YLPM1: variants seen among roughly 807,000 people sequenced by gnomAD.
YLPM1 encodes the protein YLP motif containing 1.
A neutral mutation model predicts 230.0 loss-of-function variants in YLPM1; 99 were observed. The observed-to-expected ratio is 0.43, with a 90% CI of 0.37 to 0.51. YLPM1 has a LOEUF of 0.51. Ranked by LOEUF, YLPM1 falls within the 20% of genes least tolerant of loss-of-function variation. The pLI is 0.00. For missense variants in YLPM1, 2,592 were observed against 2,707.7 expected (o/e 0.96, Z 0.95); for synonymous variants, 984 against 942.5 (o/e 1.04, Z -0.81).
chr14:74,800,120 A>T lies in YLPM1; in HGVS notation c.4400+423A>T, dbSNP rs577077002. Among the ~76,000 whole-genome samples the T allele has an allele frequency of 6.6e-5, 10 of 152,298 alleles. 1 individual carries two copies. The South Asian group carries it at 1.5e-3, about 22-fold the overall frequency. The stretch of plus-strand genomic sequence containing the variant: ...TTGATAAAACTTTGGAAAGTGCTGT[A>T]TTTTTCTTTGTTGAAGCTAAGAATG... On this transcript the variant is annotated intron_variant, in intron 5 of 20. Transcript: ENST00000325680.
chr14:74,783,210 G>A (rs770365225), intron 4 of YLPM1, among the ~76,000 whole-genome samples: 3 of 152,054 alleles, frequency 2.0e-5, no homozygotes, highest in Non-Finnish European at 4.4e-5. Flanking sequence ...GACCAGAGGT[G>A]CGCACCAACA....
At chr14:74,778,417 C>A in intron 1 of YLPM1, 30 bp from the exon 2 acceptor site, 2 of 1,553,442 alleles carry the variant, frequency 1.3e-6, no homozygotes, top group South Asian at 2.4e-5. Context: ...GATTGTCAAT[C>A]AAAATTCTCA....
At chr14:74,780,950 C>T (rs148017582) in intron 3 of YLPM1, among the ~76,000 whole-genome samples, 233 of 152,148 alleles carry the variant, frequency 1.5e-3, no homozygotes, top group South Asian at 3.5e-3. Flanking sequence ...GCAAATATAC[C>T]GTAAAAGATA....
rs776721832 is a variant in YLPM1 at position 74,798,857 on chromosome 14, A to G, written c.3560A>G (p.Glu1187Gly). ...GEKMYPYHRD[E>G]PPRAPWNHGE... ...AAAATGTATCCATATCACCGGGATGAGCCTCCTAGGGCTCCATGGAACCAT... is the reference window on the plus strand; with the variant it reads ...AAAATGTATCCATATCACCGGGATGGGCCTCCTAGGGCTCCATGGAACCAT... Residue 1187 changes from glutamate (E) to glycine (G), a missense_variant, in exon 5 of 21, where the codon GAG (glutamate) becomes GGG (glycine). Around this residue, in one of 4 missense-constraint regions of YLPM1, gnomAD observed 1,862 missense variants for 1,819.8 expected, o/e 1.02. Coordinates refer to ENST00000325680, the MANE Select transcript of YLPM1 (RefSeq NM_019589.3). 6.8e-6 allele frequency: 11 copies of G among 1,613,878 alleles called. No individual in the cohort carries two copies. The South Asian group carries it at 1.2e-4, about 18-fold the overall frequency.
chr14:74,819,344 G>A (rs528813478), intron 16 of YLPM1, among the ~76,000 whole-genome samples: 15 of 144,860 alleles, frequency 1.0e-4, no homozygotes, highest in East Asian at 8.1e-4. Flanking sequence ...GTGTAATCTC[G>A]GCTCACTGCA....
chr14:74,834,718 G>A (rs920789950), intron 19 of YLPM1, among the ~76,000 whole-genome samples: 3 of 152,234 alleles, frequency 2.0e-5, no homozygotes, highest in African/African-American at 7.2e-5. Flanking sequence ...CGCTCTGAGT[G>A]CTAGAAGGAA....
intron 6 of YLPM1, among the ~76,000 whole-genome samples, chr14:74,808,292 T>A (rs1467261228): frequency 6.6e-6 from 1 of 152,232 alleles, no homozygotes; most frequent in Non-Finnish European, 1.5e-5. Context: ...GTAGCATGAC[T>A]CAGTACTTCA....
intron 11 of YLPM1, among the ~76,000 whole-genome samples, chr14:74,815,563 A>G (rs1445309743): frequency 1.4e-5 from 2 of 146,470 alleles, no homozygotes; most frequent in Admixed American, 6.8e-5. Context: ...CTCCATCTCA[A>G]AAAAAAAAAA....
chr14:74,794,809 A>C (rs1488264717), intron 4 of YLPM1, among the ~76,000 whole-genome samples: 1 of 152,100 alleles, frequency 6.6e-6, no homozygotes, highest in Non-Finnish European at 1.5e-5. Flanking sequence ...AAATATATCA[A>C]ATTAAGGAAG....
At chr14:74,822,368 T>TG (rs2091528701) in intron 17 of YLPM1, among the ~76,000 whole-genome samples, 1 of 152,136 alleles carries the variant, frequency 6.6e-6, no homozygotes, top group Non-Finnish European at 1.5e-5. Context: ...ACATCTGACT[T>TG]GCTTAGGTGT....
intron 9 of YLPM1, among the ~76,000 whole-genome samples, chr14:74,811,012 C>T (rs549604611): frequency 8.2e-4 from 124 of 151,696 alleles, no homozygotes; most frequent in African/African-American, 2.7e-3. Flanking sequence ...TTTTTGATGA[C>T]GATGTGGTTT....
At position 74,824,289 on chromosome 14, in the gene YLPM1, A is replaced by G; in HGVS notation, c.6145A>G (p.Thr2049Ala). Reference sequence around the variant, plus strand: ...TCCGAAAAGCAAATGGGAGATGGACACATCTGAGGCAAAGCTAGGTGGGTA... The same window carrying G: ...TCCGAAAAGCAAATGGGAGATGGACGCATCTGAGGCAAAGCTAGGTGGGTA... Reference protein sequence around the residue: ...YIPKSKWEMDTSEAKLDKLDG... With the variant: ...YIPKSKWEMDASEAKLDKLDG... The change falls in exon 18 of 21, where the codon ACA becomes GCA. Residue 2049 changes from threonine to alanine, a missense_variant. By Grantham distance (58) the Thr-to-Ala change is moderately conservative. Transcript: ENST00000325680. 6.2e-7 allele frequency: 1 copy of G among 1,612,444 alleles called. No individual in the cohort carries two copies. Among genetic ancestry groups the G allele is most frequent in the South Asian group, 1.1e-5 (1 of 90,952 alleles).
chr14:74,828,318 T>G (rs1169082539), intron 18 of YLPM1, among the ~76,000 whole-genome samples: 1 of 152,220 alleles, frequency 6.6e-6, no homozygotes, highest in Non-Finnish European at 1.5e-5. Context: ...TAACTTCAGA[T>G]GATTCAAAAG....
Position 74,799,337 on chromosome 14 carries a change from G to A in YLPM1, c.4040G>A (p.Arg1347Gln), listed in dbSNP as rs1482217758. Residue 1347 changes from arginine (R) to glutamine (Q), a missense_variant, in exon 5 of 21, where the codon CGG becomes CAG. This residue lies in a region of YLPM1 where 1,862 missense variants were observed against 1,819.8 expected (regional missense o/e 1.02). Transcript: ENST00000325680. ...LPPLPPLDRY[R>Q]DDRWREERNR... Reference sequence around the variant, plus strand: ...CCTCTTCCACCTTTGGATAGATATCGGGATGATAGATGGAGAGAAGAAAGA... The same window carrying A: ...CCTCTTCCACCTTTGGATAGATATCAGGATGATAGATGGAGAGAAGAAAGA... The A allele has an allele frequency of 1.2e-6, 2 of 1,613,978 alleles. No individual in the cohort carries two copies. The highest frequency in any genetic ancestry group is 1.1e-5 in the South Asian group (1 of 91,078).
At position 74,799,140 on chromosome 14, in the gene YLPM1, A is replaced by G; in HGVS notation, c.3843A>G (p.Glu1281=). ...ATATGGATGAGGACTACAATAGGGAAATGGAAAGGGACATGGACAGGGATG... is the reference window on the plus strand; with the variant it reads ...ATATGGATGAGGACTACAATAGGGAGATGGAAAGGGACATGGACAGGGATG... ...DQDMDEDYNR[E]MERDMDRDVD... is the part of the protein sequence containing the mutation. Residue 1281 remains glutamate, a synonymous_variant, in exon 5 of 21, where the codon GAA becomes GAG. Transcript: ENST00000325680. 1 of 1,613,856 alleles carries G rather than the reference A, an allele frequency of 6.2e-7. No individual in the cohort carries two copies. The highest frequency in any genetic ancestry group is 8.5e-7 in the Non-Finnish European group (1 of 1,179,840).
At chr14:74,797,291 T>C (rs2091273850) in intron 4 of YLPM1, among the ~76,000 whole-genome samples, 1 of 151,774 alleles carries the variant, frequency 6.6e-6, no homozygotes, top group South Asian at 2.1e-4. Context: ...GCGCCAGGCC[T>C]GTAATTGCTT....
chr14:74,786,690 T>C (rs2091153847), intron 4 of YLPM1, among the ~76,000 whole-genome samples: 1 of 152,238 alleles, frequency 6.6e-6, no homozygotes, highest in African/African-American at 2.4e-5. Context: ...TCCATTTTAA[T>C]ATTAATGGTC....
chr14:74,829,162 G>T (rs2091589329), intron 18 of YLPM1, 51 bp from the exon 19 acceptor site: 1 of 1,606,336 alleles, frequency 6.2e-7, no homozygotes, highest in African/African-American at 1.3e-5. Context: ...TGTGTGTCGT[G>T]TGCAAACTCA....
intron 6 of YLPM1, among the ~76,000 whole-genome samples, chr14:74,803,176 A>G (rs1462912321): frequency 1.3e-5 from 2 of 151,908 alleles, no homozygotes; most frequent in African/African-American, 2.4e-5. Context: ...TCTTCAGGCT[A>G]CTAGTCCTTC....
Sources: gnomAD v4.1 joint callset for allele counts (sites outside exome capture counted in the v4.1 genomes callset) on GRCh38, gnomAD v4.1.1 for gene constraint, gnomAD v4.1.1 regional missense constraint, MANE v1.5 for transcripts, NCBI Gene and HGNC (gene_info 2026-07-23, HGNC 2026-07-21) for gene names.